Variants in SDHAF1 observed in about 807,000 individuals in gnomAD.
SDHAF1 encodes succinate dehydrogenase complex assembly factor 1.
For synonymous variants in SDHAF1, 81 were observed against 85.8 expected (o/e 0.94, Z 0.31); for missense variants, 198 against 179.0 (o/e 1.11, Z -0.61).
In SDHAF1 at chr19:35,995,988, C is replaced by A; in HGVS notation, c.*366C>A. 6.5e-6 allele frequency: 2 copies of A among 306,786 alleles called. No homozygotes were observed. Among genetic ancestry groups the A allele is most frequent in the Non-Finnish European group, 1.3e-5 (2 of 154,650 alleles). 19.0% of individuals were successfully genotyped at this position (306,786 alleles called of 1,614,324 possible). Reference sequence around the variant, plus strand: ...AGCCTGAGACGCCCTTCTCTTGACCCCTGAGAACATACCCACTTCTGGCTC... The same window carrying A: ...AGCCTGAGACGCCCTTCTCTTGACCACTGAGAACATACCCACTTCTGGCTC... On this transcript the variant is annotated 3_prime_UTR_variant, in exon 1 of 1. Transcript: ENST00000378887.
rs986382479 is a variant in SDHAF1 at position 35,996,237 on chromosome 19, G to C, written c.*615G>C. On this transcript the variant is annotated 3_prime_UTR_variant, in exon 1 of 1. Transcript: ENST00000378887. ...CCAAAGGCCCCTACTTGATGGTTTT[G>C]AGGGGCAACATTGACTCATTTGCCC... 3 of 167,110 alleles carry C rather than the reference G, an allele frequency of 1.8e-5. No individual in the cohort carries two copies. The highest frequency in any genetic ancestry group is 7.2e-5 in the African/African-American group (3 of 41,424). The allele number at this position is 167,110 out of a possible 1,614,324, so 10.4% of individuals were successfully genotyped here.
Position 35,995,318 on chromosome 19 carries a change from A to G in SDHAF1, c.44A>G (p.Tyr15Cys). 1 of 1,547,930 alleles carries G rather than the reference A, an allele frequency of 6.5e-7. No homozygotes were observed. The highest frequency in any genetic ancestry group is 8.7e-7 in the Non-Finnish European group (1 of 1,153,598). The change falls in exon 1 of 1, where the codon TAC becomes TGC. Residue 15 changes from tyrosine (Y) to cysteine (C), a missense_variant. Tyr to Cys is a radical substitution (Grantham distance 194). Coordinates refer to ENST00000378887, the MANE Select transcript of SDHAF1 (RefSeq NM_001042631.3). ...CTGCAGAGGCAGGTTCTGAGCCTGT[A>G]CCGCGATCTGCTGCGCGCCGGGCGT... ...SRLQRQVLSL[Y>C]RDLLRAGRGK... is the part of the protein sequence containing the mutation.
Position 35,995,586 on chromosome 19 carries a change from C to T in SDHAF1, c.312C>T (p.Ser104=), listed in dbSNP as rs759615684. Residue 104 remains serine, a synonymous_variant, in exon 1 of 1, where the codon AGC becomes AGT. Transcript: ENST00000378887. ...DGDSPRNPHD[S]TGAPETRPDG... is the part of the protein sequence containing the mutation. ...ACAGTCCAAGGAACCCCCACGACAGCACGGGGGCACCGGAGACCCGCCCCG... is the reference window on the plus strand; with the variant it reads ...ACAGTCCAAGGAACCCCCACGACAGTACGGGGGCACCGGAGACCCGCCCCG... 21 of 1,546,092 alleles carry T rather than the reference C, an allele frequency of 1.4e-5. 1 individual carries two copies. The South Asian group carries it at 2.4e-4, about 17-fold the overall frequency.
rs1976660209 is a variant in SDHAF1, at chr19:35,995,718, C to T, written c.*96C>T. 1 of 928,734 alleles carries T rather than the reference C, an allele frequency of 1.1e-6. No individual in the cohort carries two copies. Among genetic ancestry groups the T allele is most frequent in the Non-Finnish European group, 1.7e-6 (1 of 592,802 alleles). 57.5% of individuals were successfully genotyped at this position (928,734 alleles called of 1,614,324 possible). On this transcript the variant is annotated 3_prime_UTR_variant, in exon 1 of 1. Transcript: ENST00000378887. ...GGGGAACCCGCCTAAGGTGAGAGGT[C>T]TTAAGAGACTAGCTTGACGAATTGG...
rs543726300 is a variant in SDHAF1, at chr19:35,995,583, C to T, written c.309C>T (p.Asp103=). ...GCGACAGTCCAAGGAACCCCCACGA[C>T]AGCACGGGGGCACCGGAGACCCGCC... The part of the protein sequence containing the change: ...DDGDSPRNPH[D]STGAPETRPD... The change falls in exon 1 of 1, where the codon GAC becomes GAT. Residue 103 remains aspartate (D), a synonymous_variant. Coordinates refer to ENST00000378887, the MANE Select transcript of SDHAF1 (RefSeq NM_001042631.3). 1.5e-4 allele frequency: 230 copies of T among 1,545,854 alleles called. No homozygotes were observed. In the Admixed American group the frequency reaches 2.4e-3, roughly 16 times the overall value.
In SDHAF1 at chr19:35,995,210, G is replaced by A; in HGVS notation, c.-65G>A. 8.1e-7 allele frequency: 1 copy of A among 1,227,498 alleles called. No individual in the cohort carries two copies. The highest frequency in any genetic ancestry group is 2.1e-5 in the Admixed American group (1 of 48,458). The allele number at this position is 1,227,498 out of a possible 1,614,324, so 76.0% of individuals were successfully genotyped here. On this transcript the variant is annotated 5_prime_UTR_variant, in exon 1 of 1. Transcript: ENST00000378887. Reference sequence around the variant, plus strand: ...GCTGTGGCTTTGCCCTTTGGCCTTTGCTGGCTGTGTGGCGGCTCCGCGGTT... The same window carrying A: ...GCTGTGGCTTTGCCCTTTGGCCTTTACTGGCTGTGTGGCGGCTCCGCGGTT...
chr19:35,995,372 G>C lies in SDHAF1; in HGVS notation c.98G>C (p.Arg33Pro). 6.4e-7 allele frequency: 1 copy of C among 1,556,790 alleles called. No homozygotes were observed. The highest frequency in any genetic ancestry group is 8.6e-7 in the Non-Finnish European group (1 of 1,158,858). The change falls in exon 1 of 1, where the codon CGG (arginine) becomes CCG (proline). Residue 33 changes from arginine (R) to proline (P), a missense_variant. Coordinates refer to ENST00000378887, the MANE Select transcript of SDHAF1 (RefSeq NM_001042631.3). The part of the protein sequence containing the change: ...RGKPGAEARV[R>P]AEFRQHAGLP... ...AAGCCGGGCGCCGAGGCGCGAGTGC[G>C]GGCAGAGTTCCGGCAGCATGCGGGC...
Position 35,995,311 on chromosome 19 carries a change from A to T in SDHAF1, c.37A>T (p.Ser13Cys). The T allele has an allele frequency of 6.5e-7, 1 of 1,546,836 alleles. No homozygotes were observed. The highest frequency in any genetic ancestry group is 8.7e-7 in the Non-Finnish European group (1 of 1,152,986). Reference protein sequence around the residue: ...RHSRLQRQVLSLYRDLLRAGR... With the variant: ...RHSRLQRQVLCLYRDLLRAGR... Reference sequence around the variant, plus strand: ...CAGCCGGCTGCAGAGGCAGGTTCTGAGCCTGTACCGCGATCTGCTGCGCGC... The same window carrying T: ...CAGCCGGCTGCAGAGGCAGGTTCTGTGCCTGTACCGCGATCTGCTGCGCGC... Residue 13 changes from serine to cysteine, a missense_variant, in exon 1 of 1, where the codon AGC becomes TGC. By Grantham distance (112) the Ser-to-Cys change is moderately radical. Transcript: ENST00000378887.
Position 35,995,434 on chromosome 19 carries a change from T to A in SDHAF1, c.160T>A (p.Tyr54Asn). The A allele has an allele frequency of 6.4e-7, 1 of 1,569,880 alleles. No homozygotes were observed. The highest frequency in any genetic ancestry group is 1.1e-5 in the South Asian group (1 of 88,270). Residue 54 changes from tyrosine to asparagine, a missense_variant, in exon 1 of 1, where the codon TAC becomes AAC. By Grantham distance (143) the Tyr-to-Asn change is moderately radical. Coordinates refer to ENST00000378887, the MANE Select transcript of SDHAF1 (RefSeq NM_001042631.3). ...CGACGTGCTGCGCATCGAGTACCTG[T>A]ACCGCCGCGGGCGGCGCCAGCTGCA... ...RSDVLRIEYL[Y>N]RRGRRQLQLL... is the part of the protein sequence containing the mutation.
rs1976651162 is a variant in SDHAF1 at position 35,995,281 on chromosome 19, C to T, written c.7C>T (p.Arg3Trp). 2 of 1,537,354 alleles carry T rather than the reference C, an allele frequency of 1.3e-6. No homozygotes were observed. The highest frequency in any genetic ancestry group is 1.4e-5 in the African/African-American group (1 of 73,028). MSRHSRLQRQVLS... is the reference protein window; with the variant it reads MSWHSRLQRQVLS... Reference sequence around the variant, plus strand: ...TCTCTGCTTAGCCGCGGTCATGAGCCGGCACAGCCGGCTGCAGAGGCAGGT... The same window carrying T: ...TCTCTGCTTAGCCGCGGTCATGAGCTGGCACAGCCGGCTGCAGAGGCAGGT... Residue 3 changes from arginine (R) to tryptophan (W), a missense_variant, in exon 1 of 1, where the codon CGG (arginine) becomes TGG (tryptophan). Coordinates refer to ENST00000378887, the MANE Select transcript of SDHAF1 (RefSeq NM_001042631.3).
In SDHAF1 at chr19:35,995,352, G is replaced by A; in HGVS notation, c.78G>A (p.Pro26=). ...RDLLRAGRGK[P]GAEARVRAEF... ...TGCTGCGCGCCGGGCGTGGGAAGCC[G>A]GGCGCCGAGGCGCGAGTGCGGGCAG... Residue 26 remains proline (P), a synonymous_variant, in exon 1 of 1, where the codon CCG becomes CCA. Transcript: ENST00000378887. 6.5e-7 allele frequency: 1 copy of A among 1,550,146 alleles called. No individual in the cohort carries two copies.
In SDHAF1 at chr19:35,995,795, A is replaced by C; in HGVS notation, c.*173A>C. The C allele has an allele frequency of 1.6e-6, 1 of 606,164 alleles. No individual in the cohort carries two copies. Among genetic ancestry groups the C allele is most frequent in the South Asian group, 2.1e-5 (1 of 48,286 alleles). 37.5% of individuals were successfully genotyped at this position (606,164 alleles called of 1,614,324 possible). On this transcript the variant is annotated 3_prime_UTR_variant, in exon 1 of 1. Transcript: ENST00000378887. ...CGCAGGGGGCCTAGAGAGCCCCGTG[A>C]TGGACGGCAAGGGAGGCCCGCCTTT...
Position 35,995,499 on chromosome 19 carries a change from C to T in SDHAF1, c.225C>T (p.Phe75=), listed in dbSNP as rs752619760. 1.4e-4 allele frequency: 210 copies of T among 1,539,040 alleles called. 1 individual carries two copies. Among genetic ancestry groups the T allele is most frequent in the Non-Finnish European group, 1.8e-4 (204 of 1,149,378 alleles). The part of the protein sequence containing the change: ...RSGHATAMGA[F]VRPRAPTGEP... Reference sequence around the variant, plus strand: ...GCCACGCCACCGCCATGGGCGCCTTCGTACGCCCGCGGGCCCCGACCGGGG... The same window carrying T: ...GCCACGCCACCGCCATGGGCGCCTTTGTACGCCCGCGGGCCCCGACCGGGG... The change falls in exon 1 of 1, where the codon TTC becomes TTT. Residue 75 remains phenylalanine (F), a synonymous_variant. Transcript: ENST00000378887.
At position 35,995,401 on chromosome 19, in the gene SDHAF1, C is replaced by T. The variant is rs771409731; in HGVS notation, c.127C>T (p.Pro43Ser). 13 of 1,563,708 alleles carry T rather than the reference C, an allele frequency of 8.3e-6. No homozygotes were observed. Among genetic ancestry groups the T allele is most frequent in the Middle Eastern group, 1.9e-4 (1 of 5,136 alleles). The change falls in exon 1 of 1, where the codon CCG becomes TCG. Residue 43 changes from proline (P) to serine (S), a missense_variant. Pro to Ser is a moderately conservative substitution (Grantham distance 74). Coordinates refer to ENST00000378887, the MANE Select transcript of SDHAF1 (RefSeq NM_001042631.3). The part of the protein sequence containing the change: ...RAEFRQHAGL[P>S]RSDVLRIEYL... ...AGAGTTCCGGCAGCATGCGGGCCTGCCGCGGTCCGACGTGCTGCGCATCGA... is the reference window on the plus strand; with the variant it reads ...AGAGTTCCGGCAGCATGCGGGCCTGTCGCGGTCCGACGTGCTGCGCATCGA...
rs765319301 is a variant in SDHAF1, at chr19:35,995,400, G to T, written c.126G>T (p.Leu42=). 4 of 1,563,588 alleles carry T rather than the reference G, an allele frequency of 2.6e-6. No homozygotes were observed. The highest frequency in any genetic ancestry group is 3.4e-6 in the Non-Finnish European group (4 of 1,162,694). ...CAGAGTTCCGGCAGCATGCGGGCCT[G>T]CCGCGGTCCGACGTGCTGCGCATCG... ...VRAEFRQHAG[L]PRSDVLRIEY... Residue 42 remains leucine, a synonymous_variant, in exon 1 of 1, where the codon CTG becomes CTT. Transcript: ENST00000378887.
rs760479353 is a variant in SDHAF1, at chr19:35,995,468, G to T, written c.194G>T (p.Arg65Leu). The part of the protein sequence containing the change: ...RRGRRQLQLL[R>L]SGHATAMGAF... ...GGGCGGCGCCAGCTGCAGCTGCTAC[G>T]CTCGGGCCACGCCACCGCCATGGGC... Residue 65 changes from arginine (R) to leucine (L), a missense_variant, in exon 1 of 1, where the codon CGC (arginine) becomes CTC (leucine). Transcript: ENST00000378887. 4.5e-6 allele frequency: 7 copies of T among 1,559,772 alleles called. No homozygotes were observed. In the East Asian group the frequency reaches 7.1e-5, roughly 16 times the overall value.
rs866868571 is a variant in SDHAF1, at chr19:35,995,314, C to T, written c.40C>T (p.Leu14=). The T allele has an allele frequency of 6.5e-7, 1 of 1,547,390 alleles. No individual in the cohort carries two copies. Among genetic ancestry groups the T allele is most frequent in the East Asian group, 2.4e-5 (1 of 42,244 alleles). The part of the protein sequence containing the change: ...HSRLQRQVLS[L]YRDLLRAGRG... ...CCGGCTGCAGAGGCAGGTTCTGAGC[C>T]TGTACCGCGATCTGCTGCGCGCCGG... Residue 14 remains leucine (L), a synonymous_variant, in exon 1 of 1, where the codon CTG becomes TTG. Transcript: ENST00000378887.
rs1339741323 is a variant in SDHAF1, at chr19:35,995,610, C to T, written c.336C>T (p.Pro112=). 1.3e-6 allele frequency: 2 copies of T among 1,548,818 alleles called. No homozygotes were observed. Among genetic ancestry groups the T allele is most frequent in the East Asian group, 2.4e-5 (1 of 40,868 alleles). ...GCACGGGGGCACCGGAGACCCGCCCCGACGGACGGTGACAGGCGAAGAGCC... is the reference window on the plus strand; with the variant it reads ...GCACGGGGGCACCGGAGACCCGCCCTGACGGACGGTGACAGGCGAAGAGCC... The part of the protein sequence containing the change: ...HDSTGAPETR[P]DGR Residue 112 remains proline (P), a synonymous_variant, in exon 1 of 1, where the codon CCC becomes CCT. Coordinates refer to ENST00000378887, the MANE Select transcript of SDHAF1 (RefSeq NM_001042631.3).
At position 35,995,366 on chromosome 19, in the gene SDHAF1, G is replaced by A; in HGVS notation, c.92G>A (p.Arg31Gln). 1 of 1,554,408 alleles carries A rather than the reference G, an allele frequency of 6.4e-7. No individual in the cohort carries two copies. Among genetic ancestry groups the A allele is most frequent in the Non-Finnish European group, 8.6e-7 (1 of 1,157,584 alleles). The stretch of plus-strand genomic sequence containing the variant: ...CGTGGGAAGCCGGGCGCCGAGGCGC[G>A]AGTGCGGGCAGAGTTCCGGCAGCAT... ...AGRGKPGAEA[R>Q]VRAEFRQHAG... is the part of the protein sequence containing the mutation. The change falls in exon 1 of 1, where the codon CGA becomes CAA. Residue 31 changes from arginine (R) to glutamine (Q), a missense_variant. Transcript: ENST00000378887.
Sources: allele counts gnomAD v4.1 joint callset, GRCh38; gene constraint gnomAD v4.1.1; transcripts MANE v1.5; gene names NCBI Gene and HGNC (gene_info 2026-07-23, HGNC 2026-07-21).